The following GALNTL6 variants were observed in gnomAD, a reference collection of about 807,000 sequenced individuals.
GALNTL6 encodes the protein polypeptide N-acetylgalactosaminyltransferase like 6, also known as polypeptide N-acetylgalactosaminyltransferase-like 6.
GALNTL6 carries 46 observed loss-of-function variants against 73.7 expected under a neutral mutation model. The observed-to-expected ratio is 0.62, with a 90% CI of 0.49 to 0.80. The LOEUF (loss-of-function observed/expected upper bound fraction) is 0.80. Among genes scored for constraint, GALNTL6 ranks in the 30% least tolerant of loss-of-function variants. The probability of loss-of-function intolerance (pLI) is 0.00; values close to 1 mark genes in which losing one functional copy is unlikely to be tolerated. For synonymous variants in GALNTL6, 259 were observed against 263.7 expected (o/e 0.98, Z 0.17); for missense variants, 604 against 755.0 (o/e 0.80, Z 2.34).
intron 2 of GALNTL6, among the ~76,000 whole-genome samples, chr4:172,013,672 C>T (rs1045572796): frequency 2.0e-5 from 3 of 152,022 alleles, no homozygotes; most frequent in African/African-American, 7.2e-5. Flanking sequence ...AAAGGCCATC[C>T]ATCACCTTAA....
At chr4:172,433,333 C>G (rs911171958) in intron 5 of GALNTL6, among the ~76,000 whole-genome samples, 1 of 152,020 alleles carries the variant, frequency 6.6e-6, no homozygotes, top group Non-Finnish European at 1.5e-5. Flanking sequence ...AAAGTGTGTT[C>G]GTTGCCCAGT....
intron 5 of GALNTL6, among the ~76,000 whole-genome samples, chr4:172,503,526 G>GTGTATATA (rs1307566035): frequency 1.2e-5 from 1 of 85,934 alleles, no homozygotes; most frequent in African/African-American, 4.2e-5. Flanking sequence ...ACATAGAGTA[G>GTGTATATA]TATATATATA....
chr4:171,846,343 AG>A (rs1735366791), intron 2 of GALNTL6, among the ~76,000 whole-genome samples: 1 of 152,204 alleles, frequency 6.6e-6, no homozygotes, highest in Non-Finnish European at 1.5e-5. Context: ...CATGTAAGGC[AG>A]AACAAGGGAA....
At chr4:172,520,056 A>G (rs982534433) in intron 5 of GALNTL6, among the ~76,000 whole-genome samples, 11 of 151,960 alleles carry the variant, frequency 7.2e-5, no homozygotes, top group Admixed American at 1.3e-4. Context: ...CATTATTAAT[A>G]GTAATATGTC....
At chr4:172,663,750 G>A (rs894603446) in intron 5 of GALNTL6, among the ~76,000 whole-genome samples, 1 of 152,028 alleles carries the variant, frequency 6.6e-6, no homozygotes, top group South Asian at 2.1e-4. Context: ...CCAACAGGGC[G>A]AAACCCCATC....
Position 172,587,451 on chromosome 4 carries a change from C to T in GALNTL6, c.554-221910C>T, listed in dbSNP as rs149930253. ...TGAACCCGATCATGTCACCCCTTGT[C>T]GTATCACATATTGTGATGGCTTGTC... On this transcript the variant is annotated intron_variant, in intron 5 of 12. Transcript: ENST00000506823. Among the ~76,000 whole-genome samples the T allele has an allele frequency of 1.6e-3, 240 of 152,268 alleles. 2 individuals carry two copies. In the East Asian group the frequency reaches 0.023, roughly 15 times the overall value.
intron 2 of GALNTL6, among the ~76,000 whole-genome samples, chr4:172,003,979 A>G (rs1045936489): frequency 1.3e-5 from 2 of 152,186 alleles, no homozygotes; most frequent in African/African-American, 2.4e-5. Context: ...TATAATTAGT[A>G]CAAGTGATCA....
rs137881734 is a variant in GALNTL6 at position 172,385,240 on chromosome 4, T to A, written c.553+36551T>A. On this transcript the variant is annotated intron_variant, in intron 5 of 12. Coordinates refer to ENST00000506823, the MANE Select transcript of GALNTL6 (RefSeq NM_001034845.3). ...GGAACTCATGAGTACCTGACAAAAA[T>A]GTCTTAATATATTCTGCTATGATTG... Among the ~76,000 whole-genome samples the A allele has an allele frequency of 1.7e-4, 26 of 152,156 alleles. No homozygotes were observed. The East Asian group carries it at 4.8e-3, about 28-fold the overall frequency.
intron 2 of GALNTL6, among the ~76,000 whole-genome samples, chr4:172,138,588 G>A (rs1275878699): frequency 1.6e-5 from 2 of 122,322 alleles, no homozygotes; most frequent in East Asian, 5.2e-4. Context: ...AGAGTGCAGT[G>A]GCGCGATCTC....
At chr4:172,175,726 A>G (rs1322778313) in intron 2 of GALNTL6, among the ~76,000 whole-genome samples, 2 of 151,844 alleles carry the variant, frequency 1.3e-5, no homozygotes. Context: ...TACATTTTAA[A>G]TAGGTACTTT....
rs531829748 is a variant in GALNTL6, at chr4:172,617,683, G to A, written c.554-191678G>A. 1.4e-4 allele frequency among the ~76,000 whole-genome samples: 21 copies of A among 151,514 alleles called. No homozygotes were observed. In the East Asian group the frequency reaches 1.8e-3, roughly 13 times the overall value. On this transcript the variant is annotated intron_variant, in intron 5 of 12. Transcript: ENST00000506823. ...TTTTTAGTAGAGACGGGGTTCCACC[G>A]TGTTAGCCAGGATGGTCTCAATCTC... is the stretch of plus-strand genomic sequence containing the variant.
At chr4:171,866,531 C>G (rs1485089223) in intron 2 of GALNTL6, among the ~76,000 whole-genome samples, 1 of 151,906 alleles carries the variant, frequency 6.6e-6, no homozygotes. Context: ...GACTAGAAAA[C>G]CAGAAAGGCT....
At chr4:172,085,058 G>A (rs959767441) in intron 2 of GALNTL6, among the ~76,000 whole-genome samples, 1 of 151,930 alleles carries the variant, frequency 6.6e-6, no homozygotes, top group Non-Finnish European at 1.5e-5. Context: ...AATTATAATA[G>A]AATATATTGT....
At chr4:172,147,525 A>G (rs1733958160) in intron 2 of GALNTL6, among the ~76,000 whole-genome samples, 1 of 152,218 alleles carries the variant, frequency 6.6e-6, no homozygotes, top group South Asian at 2.1e-4. Flanking sequence ...TTAGAAAATC[A>G]GTTAGCCTAT....
chr4:171,890,178 G>A (rs1268975274), intron 2 of GALNTL6, among the ~76,000 whole-genome samples: 2 of 152,024 alleles, frequency 1.3e-5, no homozygotes, highest in Non-Finnish European at 2.9e-5. Context: ...AACAGCTGAG[G>A]TCTATTTTTC....
intron 5 of GALNTL6, among the ~76,000 whole-genome samples, chr4:172,444,729 G>T (rs1731957313): frequency 6.6e-6 from 1 of 152,120 alleles, no homozygotes; most frequent in Admixed American, 6.6e-5. Flanking sequence ...GAGTTTTCCA[G>T]TGAGCTAGAG....
chr4:172,104,192 C>T (rs181780199), intron 2 of GALNTL6, among the ~76,000 whole-genome samples: 1 of 152,296 alleles, frequency 6.6e-6, no homozygotes, highest in Admixed American at 6.5e-5. Context: ...ATCCGCCCGC[C>T]TCGGCCTCCC....
chr4:172,780,483 G>A (rs1739314541), intron 5 of GALNTL6, among the ~76,000 whole-genome samples: 1 of 152,124 alleles, frequency 6.6e-6, no homozygotes, highest in South Asian at 2.1e-4. Context: ...ACAGTTTGAA[G>A]GTTTGAGGTA....
At chr4:172,970,748 A>G (rs889521477) in intron 10 of GALNTL6, among the ~76,000 whole-genome samples, 1 of 152,258 alleles carries the variant, frequency 6.6e-6, no homozygotes, top group Non-Finnish European at 1.5e-5. Context: ...TACAAAGATA[A>G]CAGGATTAAG....
Sources: allele counts gnomAD v4.1 joint callset (sites outside exome capture counted in the v4.1 genomes callset), GRCh38; gene constraint gnomAD v4.1.1; transcripts MANE v1.5; gene names NCBI Gene and HGNC (gene_info 2026-07-23, HGNC 2026-07-21).